CLVS1: variants seen among roughly 807,000 people sequenced by gnomAD.
CLVS1 encodes the protein clavesin-1.
In CLVS1, 10 loss-of-function variants were observed where a neutral mutation model predicts 33.1. The ratio of observed to expected loss-of-function variants is 0.30; its 90% CI spans 0.19 to 0.51. The LOEUF (loss-of-function observed/expected upper bound fraction) is 0.51. Ranked by LOEUF, CLVS1 falls within the 20% of genes least tolerant of loss-of-function variation. The pLI is 0.97. For missense variants in CLVS1, 343 were observed against 433.4 expected (o/e 0.79, Z 1.85); for synonymous variants, 163 against 166.1 (o/e 0.98, Z 0.14).
chr8:61,190,267 A>ATGAC (rs1807441644), intron 2 of CLVS1, among the ~76,000 whole-genome samples: 1 of 152,240 alleles, frequency 6.6e-6, no homozygotes, highest in South Asian at 2.1e-4. Flanking sequence ...CTGCTCCTGA[A>ATGAC]TGACTACTGG....
intron 2 of CLVS1, among the ~76,000 whole-genome samples, chr8:61,210,310 T>C (rs1471441811): frequency 6.6e-6 from 1 of 152,212 alleles, no homozygotes; most frequent in Non-Finnish European, 1.5e-5. Flanking sequence ...GGGGACTGTA[T>C]TGAGGAACAG....
chr8:61,234,808 A>G (rs1808521774), intron 2 of CLVS1, among the ~76,000 whole-genome samples: 1 of 152,206 alleles, frequency 6.6e-6, no homozygotes, highest in African/African-American at 2.4e-5. Context: ...GGGGATGCTC[A>G]GAGCTCACAG....
At position 61,242,787 on chromosome 8, in the gene CLVS1, T is replaced by A. The variant is rs114024825; in HGVS notation, c.-151-56890T>A. 3.9e-3 allele frequency among the ~76,000 whole-genome samples: 569 copies of A among 147,226 alleles called. 1 individual carries two copies. Among genetic ancestry groups the A allele is most frequent in the African/African-American group, 0.013 (466 of 37,142 alleles). On this transcript the variant is annotated intron_variant, in intron 2 of 2. Coordinates refer to the CLVS1 transcript ENST00000522621. ...CAGCCTGGGCAGCAGAGCAGGACCC[T>A]GCCTCAAAAAAAAAAATAGATAAAA...
At chr8:61,284,890 T>G (rs1345347598), upstream of CLVS1, among the ~76,000 whole-genome samples, 2 of 152,138 alleles carry the variant, frequency 1.3e-5, no homozygotes, top group Non-Finnish European at 2.9e-5. Flanking sequence ...GCCTTACTAC[T>G]TACTACTCCA....
intron 4 of CLVS1, among the ~76,000 whole-genome samples, chr8:61,456,386 A>G (rs1817158923): frequency 6.6e-6 from 1 of 152,232 alleles, no homozygotes; most frequent in Admixed American, 6.5e-5. Flanking sequence ...AAAAGCCAGA[A>G]AAGTGACTTT....
intron 5 of CLVS1, among the ~76,000 whole-genome samples, chr8:61,498,655 G>A (rs1205165209): frequency 6.6e-6 from 1 of 152,188 alleles, no homozygotes; most frequent in African/African-American, 2.4e-5. Context: ...TATTGCAATA[G>A]TGGTTGGTCA....
In CLVS1 at chr8:61,134,034, C is replaced by T. The variant is rs1806147269; in HGVS notation, c.-152+2174C>T. On this transcript the variant is annotated intron_variant, in intron 2 of 2. Coordinates refer to the CLVS1 transcript ENST00000522621. ...GAGCTCAATGGAGTTAGTTTTAGAC[C>T]CAGTGCATTTGAGATGTTTATGAGA... Among the ~76,000 whole-genome samples the T allele has an allele frequency of 2.6e-5, 4 of 151,980 alleles. No homozygotes were observed. In the South Asian group the frequency reaches 8.4e-4, roughly 32 times the overall value.
At chr8:61,384,221 CAAGGAGCTTGTTTGCCCCTGCACCATGCT>C (rs1813995420) in intron 3 of CLVS1, among the ~76,000 whole-genome samples, 1 of 152,138 alleles carries the variant, frequency 6.6e-6, no homozygotes, top group South Asian at 2.1e-4. Context: ...AGGCACCAGG[CAAGGAGCTTGTTTGCCCCTGCACCATGCT>C]AAGGAGTTTG....
chr8:60,993,129 T>G, the CLVS1 span, among the ~76,000 whole-genome samples: 2 of 152,246 alleles, frequency 1.3e-5, no homozygotes, highest in African/African-American at 2.4e-5. Context: ...TAATTTGTTC[T>G]GTCTGTCATT....
chr8:61,488,220 G>A (rs1803948677), intron 5 of CLVS1, among the ~76,000 whole-genome samples: 1 of 152,112 alleles, frequency 6.6e-6, no homozygotes, highest in Admixed American at 6.5e-5. Flanking sequence ...ATGTAGTAGC[G>A]CATTCCACTC....
At chr8:61,274,481 T>C (rs147073080) in intron 2 of CLVS1, among the ~76,000 whole-genome samples, 21 of 152,312 alleles carry the variant, frequency 1.4e-4, no homozygotes, top group African/African-American at 4.8e-4. Flanking sequence ...TGAATTTTTA[T>C]CTTGTTGCTT....
Position 61,499,737 on chromosome 8 carries a change from T to TC in CLVS1, c.*195_*196insC. ...GTTGGACAAAGACTTGAGAGATGCT[T>TC]TTTTTTTCCCCCAGTGAGGGGACTG... On this transcript the variant is annotated 3_prime_UTR_variant, in exon 6 of 6. Transcript: ENST00000325897. 2.4e-6 allele frequency: 1 copy of TC among 410,572 alleles called. No homozygotes were observed. Among genetic ancestry groups the TC allele is most frequent in the East Asian group, 3.4e-5 (1 of 29,442 alleles). The allele number at this position is 410,572 out of a possible 1,614,324, so 25.4% of individuals were successfully genotyped here.
intron 2 of CLVS1, among the ~76,000 whole-genome samples, chr8:61,252,648 A>T (rs571538401): frequency 2.0e-5 from 3 of 152,172 alleles, no homozygotes; most frequent in Non-Finnish European, 4.4e-5. Flanking sequence ...TTCCTGCTGA[A>T]TTGGTCCCTT....
At chr8:61,045,792 G>A in the CLVS1 span, among the ~76,000 whole-genome samples, 1 of 152,156 alleles carries the variant, frequency 6.6e-6, no homozygotes, top group Non-Finnish European at 1.5e-5. Context: ...GGGTCCTAGG[G>A]AATGTAAAGA....
intron 1 of CLVS1, among the ~76,000 whole-genome samples, chr8:61,113,568 T>A (rs547630863): frequency 6.6e-6 from 1 of 152,264 alleles, no homozygotes; most frequent in African/African-American, 2.4e-5. Flanking sequence ...CTGCCCATAG[T>A]TCACTCCTTC....
chr8:61,259,580 C>T (rs929175155), intron 2 of CLVS1, among the ~76,000 whole-genome samples: 9 of 152,068 alleles, frequency 5.9e-5, no homozygotes, highest in African/African-American at 1.9e-4. Context: ...AGGACAAAAT[C>T]GAAGATCTGG....
chr8:61,089,772 A>G (rs1805197643), intron 1 of CLVS1, among the ~76,000 whole-genome samples: 1 of 152,002 alleles, frequency 6.6e-6, no homozygotes, highest in Non-Finnish European at 1.5e-5. Context: ...AATAAAAAAG[A>G]CTAGCTGGGC....
At chr8:61,088,903 G>C (rs1453924768) in intron 1 of CLVS1, among the ~76,000 whole-genome samples, 1 of 151,454 alleles carries the variant, frequency 6.6e-6, no homozygotes, top group South Asian at 2.1e-4. Flanking sequence ...CTGGGTTCAC[G>C]CCATTCTCCT....
In CLVS1 at chr8:61,149,551, CAAAAA is replaced by C. The variant is rs1166606940; in HGVS notation, c.-152+17704_-152+17708del. ...TAGGCGACAGAACGAGACTCTGTCT[CAAAAA>C]AAAAAAAAAAAACAAAAAACAAAAC... is the stretch of plus-strand genomic sequence containing the variant. On this transcript the variant is annotated intron_variant, in intron 2 of 2. Transcript: ENST00000522621. Among the ~76,000 whole-genome samples the C allele has an allele frequency of 1.6e-3, 83 of 52,010 alleles. 3 individuals are homozygous for C. Among genetic ancestry groups the C allele is most frequent in the African/African-American group, 5.0e-3 (80 of 16,152 alleles). 34.1% of individuals were successfully genotyped at this position (52,010 alleles called of 152,430 possible). A position where few individuals can be genotyped will look rare whatever the true frequency, so the allele number is the denominator to read the frequency against.
Sources: gnomAD v4.1 joint callset for allele counts (sites outside exome capture counted in the v4.1 genomes callset) on GRCh38, gnomAD v4.1.1 for gene constraint, MANE v1.5 for transcripts, NCBI Gene and HGNC (gene_info 2026-07-23, HGNC 2026-07-21) for gene names.